ADAM33: variants seen among roughly 807,000 people sequenced by gnomAD.
The protein encoded by ADAM33 is ADAM metallopeptidase domain 33.
ADAM33 carries 103 observed loss-of-function variants against 106.2 expected under a neutral mutation model. The ratio of observed to expected loss-of-function variants is 0.97; its 90% CI spans 0.83 to 1.14. The LOEUF (loss-of-function observed/expected upper bound fraction) is 1.14, where lower values mean the gene tolerates loss of function less well. Ranked by LOEUF, ADAM33 falls within the 50% of genes most tolerant of loss-of-function variation. The pLI is 0.00. For missense variants in ADAM33, 1,120 were observed against 1,096.6 expected, an observed-to-expected ratio of 1.02 and a Z score of -0.30; for synonymous variants, 483 against 453.0, an observed-to-expected ratio of 1.07 and a Z score of -0.84.
Position 3,673,451 on chromosome 20 carries a change from C to A in ADAM33, c.1036G>T (p.Glu346Ter), listed in dbSNP as rs2087699542. 4 of 1,576,304 alleles carry A rather than the reference C, an allele frequency of 2.5e-6. No homozygotes were observed. The highest frequency in any genetic ancestry group is 3.4e-6 in the Non-Finnish European group (4 of 1,167,034). Residue 346 changes from glutamate (E) to a stop codon, truncating the protein, a stop_gained, in exon 11 of 22, where the codon GAG becomes TAG. Transcript: ENST00000356518. LOFTEE classifies it high-confidence loss of function. ...CTGAGGCCGAGGCTGTGGCCGATCT[C>A]ATGGGCCATGGTGGCTGCGGCGCCG... ...PIGAAATMAHEIGHSLGLSHD... is the reference protein window; with the variant it reads ...PIGAAATMAH
At position 3,675,081 on chromosome 20, in the gene ADAM33, T is replaced by C; in HGVS notation, c.279A>G (p.Ile93Met). The C allele has an allele frequency of 1.2e-6, 2 of 1,613,282 alleles. No homozygotes were observed. Among genetic ancestry groups the C allele is most frequent in the Non-Finnish European group, 1.7e-6 (2 of 1,179,840 alleles). The change falls in exon 4 of 22, where the codon ATA (isoleucine) becomes ATG (methionine). Residue 93 changes from isoleucine to methionine, a missense_variant. Physicochemically the swap from Ile to Met is conservative, Grantham distance 10 (BLOSUM62 1). Coordinates refer to ENST00000356518, the MANE Select transcript of ADAM33 (RefSeq NM_025220.5). This position sits in a 1 kb window ranked among gnomAD's most constrained non-coding sequence, Gnocchi z 4.1. ...GCCCATCTGGGCCGTAGTGGGTTTC[T>C]ATGTATCCTGGGGCCAGCAGCCTGC... ...KNHRLLAPGY[I>M]ETHYGPDGQP...
rs1313721380 is a variant in ADAM33 at position 3,669,586 on chromosome 20, C to T, written c.2292G>A (p.Met764Ile). The T allele has an allele frequency of 1.2e-6, 2 of 1,603,350 alleles. No homozygotes were observed. Among genetic ancestry groups the T allele is most frequent in the Non-Finnish European group, 1.7e-6 (2 of 1,176,016 alleles). ...RDHPLGGVHPMELGPTATGQP... is the reference protein window; with the variant it reads ...RDHPLGGVHPIELGPTATGQP... ...GTCCAGTGGCTGTGGGGCCCAACTC[C>T]ATGGGGTGAACGCCGCCCAGGGGGT... The change falls in exon 20 of 22, where the codon ATG becomes ATA. Residue 764 changes from methionine to isoleucine, a missense_variant. Met to Ile is a conservative substitution (Grantham distance 10). Coordinates refer to ENST00000356518, the MANE Select transcript of ADAM33 (RefSeq NM_025220.5).
intron 11 of ADAM33, 80 bp from the exon 12 acceptor site, chr20:3,672,978 T>C: frequency 1.4e-6 from 2 of 1,447,500 alleles, no homozygotes; most frequent in Non-Finnish European, 1.8e-6. Context: ...CCCCTGGGCT[T>C]GGCTACAGCC....
Position 3,673,340 on chromosome 20 carries a change from C to G in ADAM33, c.1133+14G>C. ...TAGCCGCCCCGCCGCAGCCCCGACC[C>G]CCCACCCGCGTACCCGGTGGCCGCA... On this transcript the variant is annotated intron_variant, in intron 11 of 21. Coordinates refer to ENST00000356518, the MANE Select transcript of ADAM33 (RefSeq NM_025220.5). The G allele has an allele frequency of 1.3e-6, 2 of 1,537,538 alleles. No homozygotes were observed. Among genetic ancestry groups the G allele is most frequent in the Non-Finnish European group, 1.7e-6 (2 of 1,147,944 alleles).
chr20:3,677,067 T>C lies in ADAM33; in HGVS notation c.254A>G (p.His85Arg). ...QELLLELEKN[H>R]RLLAPGYIET... ...AGCCCTACCCCAGCCTGGCACTCAC[T>C]GGTTCTTCTCCAGCTCAAGCAGGAG... Residue 85 changes from histidine (H) to arginine (R), a missense_variant and splice_region_variant, in exon 3 of 22, where the codon CAC becomes CGC. Transcript: ENST00000356518. 1 of 1,612,744 alleles carries C rather than the reference T, an allele frequency of 6.2e-7. No homozygotes were observed. The highest frequency in any genetic ancestry group is 1.1e-5 in the South Asian group (1 of 91,062).
In ADAM33 at chr20:3,672,129, C is replaced by T. The variant is rs1436722720; in HGVS notation, c.1597+5G>A. 1.9e-6 allele frequency: 3 copies of T among 1,607,788 alleles called. No homozygotes were observed. Among genetic ancestry groups the T allele is most frequent in the Non-Finnish European group, 2.5e-6 (3 of 1,176,578 alleles). The stretch of plus-strand genomic sequence containing the variant: ...CAGGGTGCAAGGGTGCTCGTGTCCT[C>T]TCACCAGGCCCCCAGAGCTGCTGGC... On this transcript the variant is annotated splice_donor_5th_base_variant and intron_variant, in intron 14 of 21. Transcript: ENST00000356518.
Position 3,673,388 on chromosome 20 carries a change from C to A in ADAM33, c.1099G>T (p.Glu367Ter). The change falls in exon 11 of 22, where the codon GAG becomes TAG. Residue 367 changes from glutamate to a stop codon, truncating the protein, a stop_gained. Transcript: ENST00000356518. LOFTEE classifies it high-confidence loss of function. Reference protein sequence around the residue: ...PDGCCVEAAAESGGCVMAAAT... With the variant: ...PDGCCVEAAA ...GCAGCCATGACGCAGCCTCCGGACT[C>A]GGCCGCAGCCTCCACGCAGCAGCCG... 1 of 1,543,384 alleles carries A rather than the reference C, an allele frequency of 6.5e-7. No individual in the cohort carries two copies. Among genetic ancestry groups the A allele is most frequent in the East Asian group, 2.4e-5 (1 of 41,436 alleles).
In ADAM33 at chr20:3,679,356, G is replaced by A. The variant is rs903709224; in HGVS notation, c.177+136C>T. 3 of 821,542 alleles carry A rather than the reference G, an allele frequency of 3.7e-6. No individual in the cohort carries two copies. In the African/African-American group the frequency reaches 5.2e-5, roughly 14 times the overall value. The allele number at this position is 821,542 out of a possible 1,614,324, so 50.9% of individuals were successfully genotyped here. A position where few individuals can be genotyped will look rare whatever the true frequency, so the allele number is the denominator to read the frequency against. On this transcript the variant is annotated intron_variant, in intron 2 of 21. Coordinates refer to ENST00000356518, the MANE Select transcript of ADAM33 (RefSeq NM_025220.5). ...TTCTTCTGCCCACTTGAGGGGCAGG[G>A]GAGGCAGGGGCCTATAGGAGTAGTG...
Position 3,674,104 on chromosome 20 carries a change from G to T in ADAM33, c.698C>A (p.Thr233Asn). 6.2e-7 allele frequency: 1 copy of T among 1,614,210 alleles called. No individual in the cohort carries two copies. The highest frequency in any genetic ancestry group is 8.5e-7 in the Non-Finnish European group (1 of 1,180,038). ...GGCGACTTCCAGGAGACGCTGTTTG[G>T]TGTGGTTCAAGTTTCGGTGCCGAGT... is the stretch of plus-strand genomic sequence containing the variant. ...FLTRHRNLNH[T>N]KQRLLEVANY... The change falls in exon 8 of 22, where the codon ACC (threonine) becomes AAC (asparagine). Residue 233 changes from threonine (T) to asparagine (N), a missense_variant. Thr to Asn is a moderately conservative substitution (Grantham distance 65). Transcript: ENST00000356518.
rs2087561727 is a variant in ADAM33, at chr20:3,671,909, G to A, written c.1674C>T (p.Asp558=). 6 of 1,554,450 alleles carry A rather than the reference G, an allele frequency of 3.9e-6. No homozygotes were observed. Among genetic ancestry groups the A allele is most frequent in the East Asian group, 2.4e-5 (1 of 41,356 alleles). ...CACAGGGCAGGAAGTGGCCCTCGCT[G>A]TCCTGGCCGCAGTTTCCATGAGCAT... ...AGDAHGNCGQ[D]SEGHFLPCAG... is the part of the protein sequence containing the mutation. The change falls in exon 15 of 22, where the codon GAC becomes GAT. Residue 558 remains aspartate, a synonymous_variant. Coordinates refer to ENST00000356518, the MANE Select transcript of ADAM33 (RefSeq NM_025220.5).
Position 3,671,083 on chromosome 20 carries a change from G to T in ADAM33, c.2163C>A (p.Ala721=). The T allele has an allele frequency of 1.3e-6, 2 of 1,584,192 alleles. No individual in the cohort carries two copies. The highest frequency in any genetic ancestry group is 2.3e-5 in the East Asian group (1 of 43,482). Residue 721 remains alanine, a synonymous_variant, in exon 19 of 22, where the codon GCC becomes GCA. Coordinates refer to ENST00000356518, the MANE Select transcript of ADAM33 (RefSeq NM_025220.5). ...LLPLLPGAGL[A]WCCYRLPGAH... Reference sequence around the variant, plus strand: ...CTCCTGGGAGTCGGTAGCAACACCAGGCCAGGCCGGCCCCTGGGAGCAGAG... The same window carrying T: ...CTCCTGGGAGTCGGTAGCAACACCATGCCAGGCCGGCCCCTGGGAGCAGAG...
At position 3,674,678 on chromosome 20, in the gene ADAM33, G is replaced by A. The variant is rs760620716; in HGVS notation, c.426C>T (p.Leu142=). The A allele has an allele frequency of 2.5e-6, 4 of 1,609,898 alleles. No homozygotes were observed. The African/African-American group carries it at 5.4e-5, about 22-fold the overall frequency. Residue 142 remains leucine, a synonymous_variant, in exon 6 of 22, where the codon CTC becomes CTT. Coordinates refer to ENST00000356518, the MANE Select transcript of ADAM33 (RefSeq NM_025220.5). ...TCSGMSGLIT[L]SRNASYYLRP... ...GCAGATAATAGCTGGCATTCCTGCT[G>A]AGGGTGATCAGGCCACTAGGGTGCA...
chr20:3,673,764 C>T lies in ADAM33; in HGVS notation c.886G>A (p.Asp296Asn), dbSNP rs1342536320. 1 of 1,525,546 alleles carries T rather than the reference C, an allele frequency of 6.6e-7. No individual in the cohort carries two copies. The highest frequency in any genetic ancestry group is 2.0e-5 in the Admixed American group (1 of 49,584). 94.5% of individuals were successfully genotyped at this position (1,525,546 alleles called of 1,614,324 possible). A position where few individuals can be genotyped will look rare whatever the true frequency, so the allele number is the denominator to read the frequency against. The change falls in exon 9 of 22, where the codon GAC becomes AAC. Residue 296 changes from aspartate to asparagine, a missense_variant. Asp to Asn is a conservative substitution (Grantham distance 23). Transcript: ENST00000356518. The stretch of plus-strand genomic sequence containing the variant: ...ACCCACGTGAGCAGCTGCGCGGAGT[C>T]GTGGGGCCGCTGCGCCCACAGCCCC... ...RRGLWAQRPHDSAQLLTGRAF... is the reference protein window; with the variant it reads ...RRGLWAQRPHNSAQLLTGRAF...
At position 3,669,349 on chromosome 20, in the gene ADAM33, G is replaced by A; in HGVS notation, c.2354C>T (p.Pro785Leu). ...WPLDPENSHE[P>L]SSHPEKPLPA... The stretch of plus-strand genomic sequence containing the variant: ...CAGAGGCTTCTCAGGGTGGCTGCTG[G>A]GCTCATGAGAGTTCTCAGGGTCTGG... Residue 785 changes from proline (P) to leucine (L), a missense_variant, in exon 21 of 22, where the codon CCC becomes CTC. By Grantham distance (98) the Pro-to-Leu change is moderately conservative (BLOSUM62 -3). Transcript: ENST00000356518. 6.2e-7 allele frequency: 1 copy of A among 1,604,380 alleles called. No homozygotes were observed. The highest frequency in any genetic ancestry group is 8.5e-7 in the Non-Finnish European group (1 of 1,177,634).
rs536911822 is a variant in ADAM33 at position 3,670,684 on chromosome 20, C to G, written c.2240+322G>C. 18 of 339,596 alleles carry G rather than the reference C, an allele frequency of 5.3e-5. No individual in the cohort carries two copies. In the East Asian group the frequency reaches 9.1e-4, roughly 17 times the overall value. The allele number at this position is 339,596 out of a possible 1,614,324, so 21.0% of individuals were successfully genotyped here. A position where few individuals can be genotyped will look rare whatever the true frequency, so the allele number is the denominator to read the frequency against. ...GGCAGCATGGTACAGGGACTGCAAT[C>G]TGAGCCAGGGAAAAACAGGGCGAAG... On this transcript the variant is annotated intron_variant, in intron 19 of 21. Coordinates refer to ENST00000356518, the MANE Select transcript of ADAM33 (RefSeq NM_025220.5).
rs755039455 is a variant in ADAM33 at position 3,672,185 on chromosome 20, C to G, written c.1546G>C (p.Asp516His). The change falls in exon 14 of 22, where the codon GAT becomes CAT. Residue 516 changes from aspartate (D) to histidine (H), a missense_variant. By Grantham distance (81) the Asp-to-His change is moderately conservative. Transcript: ENST00000356518. The part of the protein sequence containing the change: ...PCARGSGYCW[D>H]GACPTLEQQC... ...TGCTCCAGCGTGGGACATGCGCCAT[C>G]CCAGCAGTAGCCACTGCCCCTGGCA... The G allele has an allele frequency of 7.4e-6, 12 of 1,613,282 alleles. No homozygotes were observed. In the South Asian group the frequency reaches 1.3e-4, roughly 18 times the overall value.
chr20:3,672,267 G>A lies in ADAM33; in HGVS notation c.1464C>T (p.Cys488=). The A allele has an allele frequency of 1.2e-6, 2 of 1,613,368 alleles. No homozygotes were observed. The highest frequency in any genetic ancestry group is 1.7e-6 in the Non-Finnish European group (2 of 1,180,010). Residue 488 remains cysteine, a synonymous_variant, in exon 14 of 22, where the codon TGC becomes TGT. Coordinates refer to ENST00000356518, the MANE Select transcript of ADAM33 (RefSeq NM_025220.5). ...AMGDCDLPEF[C]TGTSSHCPPD... is the part of the protein sequence containing the mutation. ...GGGGACAGTGGGAGGAGGTGCCCGT[G>A]CAAAACTCAGGGAGGTCACAGTCAC...
chr20:3,673,927 G>A lies in ADAM33; in HGVS notation c.739-16C>T. The A allele has an allele frequency of 6.4e-7, 1 of 1,569,068 alleles. No homozygotes were observed. Among genetic ancestry groups the A allele is most frequent in the South Asian group, 1.2e-5 (1 of 85,430 alleles). The stretch of plus-strand genomic sequence containing the variant: ...TCCTGAGAAGCTGAGGGCGAGGCGG[G>A]GCTGAAGCCGGGACAGGGCGCCCCA... On this transcript the variant is annotated splice_polypyrimidine_tract_variant and intron_variant, in intron 8 of 21. Transcript: ENST00000356518.
chr20:3,679,430 G>C, intron 2 of ADAM33, 62 bp downstream of exon 2: 1 of 1,514,422 alleles, frequency 6.6e-7, no homozygotes, highest in South Asian at 1.2e-5. Context: ...GTAATGTAGG[G>C]AGAGACAAAA....
Sources: gnomAD v4.1 joint callset for allele counts on GRCh38, gnomAD v4.1.1 for gene constraint, Gnocchi (gnomAD v3.1) non-coding constraint, MANE v1.5 for transcripts, NCBI Gene and HGNC (gene_info 2026-07-23, HGNC 2026-07-21) for gene names.